The following PDZD4 variants were observed in gnomAD, a reference collection of about 807,000 sequenced individuals.
PDZD4 encodes the protein PDZ domain-containing protein 4.
In PDZD4, 9 loss-of-function variants were observed where a neutral mutation model predicts 38.5. The ratio of observed to expected loss-of-function variants is 0.23; its 90% CI spans 0.14 to 0.41. The LOEUF (loss-of-function observed/expected upper bound fraction) is 0.41. Ranked by LOEUF, PDZD4 falls within the 10% of genes least tolerant of loss-of-function variation. The probability of loss-of-function intolerance (pLI) is 1.00; values close to 1 mark genes in which losing one functional copy is unlikely to be tolerated. For synonymous variants in PDZD4, 349 were observed against 315.7 expected (o/e 1.11, Z -1.12); for missense variants, 612 against 722.0 (o/e 0.85, Z 1.75).
chrX:153,820,857 T>C (rs1296949159), intron 1 of PDZD4, among the ~76,000 whole-genome samples: 1 of 111,525 alleles, frequency 9.0e-6, no homozygotes, highest in Non-Finnish European at 1.9e-5. Flanking sequence ...GATCACATGG[T>C]CCAGGTGGCA....
chrX:153,821,814 G>A (rs1557081366), intron 1 of PDZD4, among the ~76,000 whole-genome samples: 1 of 111,908 alleles, frequency 8.9e-6, no homozygotes. Flanking sequence ...CCCAGGGTCT[G>A]CTGAAGTCTC....
rs781980103 is a variant in PDZD4 at position 153,803,866 on chromosome X, G to C, written c.1815C>G (p.Gly605=). 4 of 1,187,831 alleles carry C rather than the reference G, an allele frequency of 3.4e-6. No homozygotes were observed. Among genetic ancestry groups the C allele is most frequent in the Non-Finnish European group, 4.5e-6 (4 of 886,036 alleles). The change falls in exon 8 of 8, where the codon GGC becomes GGG. Residue 605 remains glycine, a synonymous_variant. Coordinates refer to ENST00000393758, the MANE Select transcript of PDZD4 (RefSeq NM_001303512.2). ...GAGGGCCACCGGCCAAGCTCAGGGG[G>C]CCGTGGCCCAGCTCCTCCAGGCCTC... The part of the protein sequence containing the change: ...PTRGLEELGH[G]PLSLAGGPRV...
Position 153,830,378 on chromosome X carries a change from C to G in PDZD4, c.-80G>C, listed in dbSNP as rs1473139334. The G allele has an allele frequency of 1.8e-5, 17 of 923,314 alleles. No homozygotes were observed. The highest frequency in any genetic ancestry group is 2.5e-5 in the Admixed American group (1 of 40,740). 76.1% of individuals were successfully genotyped at this position (923,314 alleles called of 1,213,427 possible). ...GACCCGGGCGCGGGACCTCGGGTCCCGGGCCGGGGCCAGGGGCCATACCCT... is the reference window on the plus strand; with the variant it reads ...GACCCGGGCGCGGGACCTCGGGTCCGGGGCCGGGGCCAGGGGCCATACCCT... On this transcript the variant is annotated 5_prime_UTR_variant, in exon 1 of 8. Coordinates refer to ENST00000393758, the MANE Select transcript of PDZD4 (RefSeq NM_001303512.2).
chrX:153,811,845 G>A (rs1206261170), intron 1 of PDZD4, among the ~76,000 whole-genome samples: 1 of 112,021 alleles, frequency 8.9e-6, no homozygotes, highest in African/African-American at 3.2e-5. Flanking sequence ...CAGAGTGTGG[G>A]TTCAGGAAGG....
intron 1 of PDZD4, among the ~76,000 whole-genome samples, chrX:153,827,126 G>C (rs973651760): frequency 1.2e-4 from 13 of 112,127 alleles, no homozygotes; most frequent in African/African-American, 4.2e-4. Flanking sequence ...CTTAAGAACA[G>C]ACATTTTTCT....
intron 2 of PDZD4, 129 bp from the exon 3 acceptor site, chrX:153,807,498 G>T: frequency 1.5e-6 from 1 of 681,820 alleles, no homozygotes; most frequent in Non-Finnish European, 2.2e-6. Flanking sequence ...AAGGGTGGGT[G>T]GCCCAGTTGC....
chrX:153,805,640 T>G, intron 5 of PDZD4, 34 bp from the exon 6 acceptor site: 5 of 1,127,101 alleles, frequency 4.4e-6, no homozygotes, highest in Non-Finnish European at 6.1e-6. Context: ...ACAAGCATGC[T>G]AGGGCTGGCC....
At chrX:153,819,308 C>T (rs1557080703) in intron 1 of PDZD4, among the ~76,000 whole-genome samples, 1 of 113,090 alleles carries the variant, frequency 8.8e-6, no homozygotes, top group Admixed American at 9.2e-5. Flanking sequence ...GGGTGGGGCG[C>T]GACGCCCTCT....
intron 1 of PDZD4, among the ~76,000 whole-genome samples, chrX:153,826,216 C>CAAA (rs199601688): frequency 2.6e-5 from 1 of 39,021 alleles, no homozygotes; most frequent in Admixed American, 2.9e-4. Flanking sequence ...GACTGTGTCT[C>CAAA]AAAAAAAAAA....
In PDZD4 at chrX:153,830,229, G is replaced by T. The variant is rs782379786; in HGVS notation, c.60+10C>A. 1 of 1,192,352 alleles carries T rather than the reference G, an allele frequency of 8.4e-7. No homozygotes were observed. Among genetic ancestry groups the T allele is most frequent in the Non-Finnish European group, 1.1e-6 (1 of 885,822 alleles). On this transcript the variant is annotated intron_variant, in intron 1 of 7. Transcript: ENST00000393758. The stretch of plus-strand genomic sequence containing the variant: ...GGGCCGCGCCCCCGCCGCAGCGCCG[G>T]CGGCCCTACCTGCAGCATCACTTTG...
intron 1 of PDZD4, among the ~76,000 whole-genome samples, chrX:153,828,650 C>A (rs1412012211): frequency 8.9e-6 from 1 of 112,792 alleles, no homozygotes; most frequent in Non-Finnish European, 1.9e-5. Context: ...GCCTGGGGTG[C>A]AGCTCGGGTC....
intron 1 of PDZD4, among the ~76,000 whole-genome samples, chrX:153,823,555 T>C (rs1358508612): frequency 9.1e-6 from 1 of 109,952 alleles, no homozygotes; most frequent in Admixed American, 9.7e-5. Context: ...GGTTTCACCA[T>C]GCTGGCCAGG....
intron 1 of PDZD4, among the ~76,000 whole-genome samples, chrX:153,825,512 C>T (rs1336199585): frequency 8.9e-6 from 1 of 112,411 alleles, no homozygotes; most frequent in Non-Finnish European, 1.9e-5. Context: ...CTTCCTTTTC[C>T]TAACTCAACA....
At chrX:153,807,751 T>A in intron 2 of PDZD4, 1 of 740,221 alleles carries the variant, frequency 1.4e-6, no homozygotes, top group African/African-American at 2.8e-5. Context: ...ATCCAGGCCC[T>A]GGAGGACTTC....
At chrX:153,809,982 G>A (rs1398918009) in intron 1 of PDZD4, among the ~76,000 whole-genome samples, 3 of 112,965 alleles carry the variant, frequency 2.7e-5, no homozygotes, top group Non-Finnish European at 5.6e-5. Context: ...GGCTGCTTCC[G>A]CAGCACCCTG....
At chrX:153,827,512 A>G (rs1557082793) in intron 1 of PDZD4, among the ~76,000 whole-genome samples, 1 of 112,970 alleles carries the variant, frequency 8.9e-6, no homozygotes, top group Non-Finnish European at 1.9e-5. Flanking sequence ...AATATGTTGT[A>G]TATCACAAAA....
chrX:153,824,470 G>A (rs1341743483), intron 1 of PDZD4, among the ~76,000 whole-genome samples: 1 of 111,195 alleles, frequency 9.0e-6, no homozygotes, highest in Non-Finnish European at 1.9e-5. Flanking sequence ...ATCTGGTGCT[G>A]GTGAGGCGGG....
At position 153,808,391 on chromosome X, in the gene PDZD4, G is replaced by A. The variant is rs1557077908; in HGVS notation, c.265C>T (p.Pro89Ser). 1 of 1,211,028 alleles carries A rather than the reference G, an allele frequency of 8.3e-7. No homozygotes were observed. Among genetic ancestry groups the A allele is most frequent in the Admixed American group, 2.2e-5 (1 of 46,126 alleles). The change falls in exon 2 of 8, where the codon CCG becomes TCG. Residue 89 changes from proline (P) to serine (S), a missense_variant. Physicochemically the swap from Pro to Ser is moderately conservative, Grantham distance 74. Around this residue, in one of 3 missense-constraint regions of PDZD4, gnomAD observed 225 missense variants for 311.0 expected, o/e 0.72. Coordinates refer to ENST00000393758, the MANE Select transcript of PDZD4 (RefSeq NM_001303512.2). ...EHIMALGKLR[P>S]PTPPMVILEP... ...AGGATGACCATGGGCGGGGTGGGCG[G>A]ACGCAGCTTGCCCAGCGCCATGATA... is the stretch of plus-strand genomic sequence containing the variant.
chrX:153,806,779 G>A lies in PDZD4; in HGVS notation c.467C>T (p.Thr156Met). 7.4e-6 allele frequency: 9 copies of A among 1,211,144 alleles called. No homozygotes were observed. The highest frequency in any genetic ancestry group is 1.0e-5 in the Non-Finnish European group (9 of 895,249). ...DKLGLMVCYR[T>M]DDEEDLGIYV... is the part of the protein sequence containing the mutation. ...AATGCCCAGGTCCTCCTCGTCGTCCGTGCGGTAGCAAACCATCAGGCCCAG... is the reference window on the plus strand; with the variant it reads ...AATGCCCAGGTCCTCCTCGTCGTCCATGCGGTAGCAAACCATCAGGCCCAG... Residue 156 changes from threonine to methionine, a missense_variant, in exon 4 of 8, where the codon ACG becomes ATG. Physicochemically the swap from Thr to Met is moderately conservative, Grantham distance 81. This residue lies in a region of PDZD4 where 225 missense variants were observed against 311.0 expected (regional missense o/e 0.72). Transcript: ENST00000393758.
Sources: gnomAD v4.1 joint callset for allele counts (sites outside exome capture counted in the v4.1 genomes callset) on GRCh38, gnomAD v4.1.1 for gene constraint, gnomAD v4.1.1 regional missense constraint, MANE v1.5 for transcripts, NCBI Gene and HGNC (gene_info 2026-07-23, HGNC 2026-07-21) for gene names.